The following ISM1 variants were observed in gnomAD, a reference collection of about 807,000 sequenced individuals.
The protein encoded by ISM1 is isthmin-1.
ISM1 carries 25 observed loss-of-function variants against 46.3 expected under a neutral mutation model. That is an observed-to-expected ratio of 0.54 (90% CI 0.39 to 0.75). The LOEUF is 0.75. Among genes scored for constraint, ISM1 ranks in the 30% least tolerant of loss-of-function variants. The pLI is 0.00. For synonymous variants in ISM1, 255 were observed against 256.7 expected, an observed-to-expected ratio of 0.99 and a Z score of 0.06; for missense variants, 536 against 625.4, an observed-to-expected ratio of 0.86 and a Z score of 1.52.
intron 1 of ISM1, among the ~76,000 whole-genome samples, chr20:13,265,314 T>C (rs1224228573): frequency 6.6e-6 from 1 of 152,214 alleles, no homozygotes; most frequent in African/African-American, 2.4e-5. Context: ...CTTTCTTTCT[T>C]TTTAATACCA....
At chr20:13,226,787 A>G (rs958005389) in intron 1 of ISM1, among the ~76,000 whole-genome samples, 1 of 152,226 alleles carries the variant, frequency 6.6e-6, no homozygotes, top group African/African-American at 2.4e-5. Context: ...TGCAAGACCT[A>G]TTGATGAGTT....
chr20:13,271,581 C>T lies in ISM1; in HGVS notation c.378+838C>T, dbSNP rs576063818. Among the ~76,000 whole-genome samples, 15 of 152,326 alleles carry T rather than the reference C, an allele frequency of 9.8e-5. No individual in the cohort carries two copies. In the South Asian group the frequency reaches 3.1e-3, roughly 32 times the overall value. On this transcript the variant is annotated intron_variant, in intron 2 of 5. Transcript: ENST00000262487. ...TTACTGTTTGGTTTACCCAAAGTCA[C>T]ATGGCAGTAAATAGTAGTTATAGGG... is the stretch of plus-strand genomic sequence containing the variant.
intron 1 of ISM1, among the ~76,000 whole-genome samples, chr20:13,245,822 G>A (rs1316881399): frequency 6.6e-6 from 1 of 152,066 alleles, no homozygotes; most frequent in Non-Finnish European, 1.5e-5. Context: ...AGATACTGAG[G>A]AACTCCATAT....
At chr20:13,287,908 G>A (rs1167270200) in intron 3 of ISM1, among the ~76,000 whole-genome samples, 2 of 152,180 alleles carry the variant, frequency 1.3e-5, no homozygotes, top group South Asian at 4.2e-4. Context: ...GGGCCACTGG[G>A]TAGGTACTCT....
chr20:13,249,725 C>A (rs73261066), intron 1 of ISM1, among the ~76,000 whole-genome samples: 16,304 of 152,094 alleles, frequency 0.11, 1,032 homozygotes, highest in African/African-American at 0.16. Context: ...AATGGGAAGC[C>A]AAAGGAAGTA....
intron 5 of ISM1, among the ~76,000 whole-genome samples, chr20:13,295,353 C>T (rs1460162111): frequency 6.6e-6 from 1 of 152,220 alleles, no homozygotes; most frequent in Non-Finnish European, 1.5e-5. Flanking sequence ...ACCCGCTGAA[C>T]CAGCCTAAAC....
intron 1 of ISM1, chr20:13,244,309 C>T (rs1240581929): frequency 7.3e-6 from 1 of 136,396 alleles, no homozygotes; most frequent in East Asian, 2.2e-4. Context: ...ACTCTCTCGA[C>T]ACTAAGATGA....
At chr20:13,276,331 G>T (rs2040178829) in intron 2 of ISM1, among the ~76,000 whole-genome samples, 1 of 152,094 alleles carries the variant, frequency 6.6e-6, no homozygotes, top group Non-Finnish European at 1.5e-5. Context: ...GAATGGTGTG[G>T]GTTTCCCTAT....
Position 13,299,457 on chromosome 20 carries a change from T to G in ISM1, c.1393T>G (p.Ter465GluextTer49). The G allele has an allele frequency of 6.3e-7, 1 of 1,593,026 alleles. No homozygotes were observed. The highest frequency in any genetic ancestry group is 8.5e-7 in the Non-Finnish European group (1 of 1,171,268). The change falls in exon 6 of 6, where the codon TAA becomes GAA. Residue 465 changes from the stop codon to glutamate (E), a stop_lost. Transcript: ENST00000262487. This position sits in a 1 kb window ranked among gnomAD's most constrained non-coding sequence, Gnocchi z 5.8. ...GCAGTTCCAAGAGGCCAGGGAATAT[T>G]AAAGAGACTGGGATGAGGTGGAGGA... ...IKQFQEAREY[*>E]
rs758620056 is a variant in ISM1, at chr20:13,299,317, T to G, written c.1253T>G (p.Val418Gly). The change falls in exon 6 of 6, where the codon GTG (valine) becomes GGG (glycine). Residue 418 changes from valine to glycine, a missense_variant. Physicochemically the swap from Val to Gly is moderately radical, Grantham distance 109. Coordinates refer to ENST00000262487, the MANE Select transcript of ISM1 (RefSeq NM_080826.2). The surrounding 1 kb of genome is among the most constrained non-coding windows in gnomAD (Gnocchi z 5.8). ...TEFSAELHYK[V>G]DVLPWIICKG... ...TTCTCCGCGGAGCTCCACTACAAGG[T>G]GGACGTCCTGCCCTGGATTATCTGC... The G allele has an allele frequency of 2.5e-6, 4 of 1,613,652 alleles. No individual in the cohort carries two copies.
chr20:13,299,046 A>C lies in ISM1; in HGVS notation c.982A>C (p.Thr328Pro), dbSNP rs576266551. Residue 328 changes from threonine (T) to proline (P), a missense_variant, in exon 6 of 6, where the codon ACT becomes CCT. Thr to Pro is a conservative substitution (Grantham distance 38). This residue lies in a region of ISM1 where 169 missense variants were observed against 249.3 expected (regional missense o/e 0.68). Coordinates refer to ENST00000262487, the MANE Select transcript of ISM1 (RefSeq NM_080826.2). This position sits in a 1 kb window ranked among gnomAD's most constrained non-coding sequence, Gnocchi z 5.8. Reference sequence around the variant, plus strand: ...GCCCAGCTGCCCCTGCTCCTACCCCACTGAGGTGGCCTACAGCACGGCCGA... The same window carrying C: ...GCCCAGCTGCCCCTGCTCCTACCCCCCTGAGGTGGCCTACAGCACGGCCGA... ...DLPSCPCSYP[T>P]EVAYSTADIF... 29 of 1,613,762 alleles carry C rather than the reference A, an allele frequency of 1.8e-5. No homozygotes were observed. Among genetic ancestry groups the C allele is most frequent in the Non-Finnish European group, 2.4e-5 (28 of 1,179,846 alleles).
chr20:13,240,517 A>T (rs377378917), intron 1 of ISM1, among the ~76,000 whole-genome samples: 17 of 152,190 alleles, frequency 1.1e-4, no homozygotes, highest in African/African-American at 3.9e-4. Flanking sequence ...TGACTAAGGG[A>T]TGGAAAAGAG....
At chr20:13,252,286 G>A (rs4814211) in intron 1 of ISM1, among the ~76,000 whole-genome samples, 4,951 of 152,330 alleles carry the variant, frequency 0.033, 171 homozygotes, top group East Asian at 0.15. Context: ...GATGATGGCT[G>A]CTGTGTACAT....
At chr20:13,232,958 G>A (rs1466457835) in intron 1 of ISM1, among the ~76,000 whole-genome samples, 1 of 152,070 alleles carries the variant, frequency 6.6e-6, no homozygotes, top group African/African-American at 2.4e-5. Flanking sequence ...AAGTGATGGT[G>A]GTGACAGACA....
intron 1 of ISM1, among the ~76,000 whole-genome samples, chr20:13,224,848 T>C (rs958561194): frequency 1.4e-5 from 2 of 141,628 alleles, no homozygotes; most frequent in East Asian, 2.0e-4. Flanking sequence ...TTTCTTTTTT[T>C]TTTTTTTTTT....
downstream of ISM1, among the ~76,000 whole-genome samples, chr20:13,302,125 A>G (rs2040463221): frequency 6.6e-6 from 1 of 152,226 alleles, no homozygotes. Context: ...ATTTTTGTTA[A>G]GGATTTAGAG....
intron 1 of ISM1, among the ~76,000 whole-genome samples, chr20:13,239,956 T>C (rs2039699680): frequency 6.6e-6 from 1 of 152,230 alleles, no homozygotes; most frequent in Non-Finnish European, 1.5e-5. Context: ...AGAGTAAGTG[T>C]ACATCTAAAG....
rs190159838 is a variant in ISM1 at position 13,276,385 on chromosome 20, C to T, written c.379-3249C>T. On this transcript the variant is annotated intron_variant, in intron 2 of 5. Transcript: ENST00000262487. ...CAAGAATCAAGAGTTTGCTTCTAGT[C>T]AATGTATTAATTTTCAAGAGAAGGA... 2.9e-4 allele frequency among the ~76,000 whole-genome samples: 44 copies of T among 152,274 alleles called. 1 individual carries two copies. The East Asian group carries it at 7.9e-3, about 27-fold the overall frequency.
chr20:13,320,889 T>C, the ISM1 span, among the ~76,000 whole-genome samples: 2 of 152,126 alleles, frequency 1.3e-5, no homozygotes, highest in Non-Finnish European at 2.9e-5. Context: ...GTGAGTTGCA[T>C]GAGGTGATGG....
Sources: gnomAD v4.1 joint callset for allele counts (sites outside exome capture counted in the v4.1 genomes callset) on GRCh38, gnomAD v4.1.1 for gene constraint, gnomAD v4.1.1 regional missense constraint, Gnocchi (gnomAD v3.1) non-coding constraint, MANE v1.5 for transcripts, NCBI Gene and HGNC (gene_info 2026-07-23, HGNC 2026-07-21) for gene names.